SESTD1: variants seen among roughly 807,000 people sequenced by gnomAD.
The protein encoded by SESTD1 is SEC14 domain and spectrin repeat-containing protein 1.
A neutral mutation model predicts 101.7 loss-of-function variants in SESTD1; 43 were observed. That is an observed-to-expected ratio of 0.42 (90% CI 0.33 to 0.55). The LOEUF (loss-of-function observed/expected upper bound fraction) is 0.55. Among genes scored for constraint, SESTD1 ranks in the 20% least tolerant of loss-of-function variants. The pLI is 0.07. For synonymous variants in SESTD1, 283 were observed against 286.8 expected, an observed-to-expected ratio of 0.99 and a Z score of 0.13; for missense variants, 647 against 815.1, an observed-to-expected ratio of 0.79 and a Z score of 2.51.
At chr2:179,173,794 A>T (rs1040118713) in intron 4 of SESTD1, among the ~76,000 whole-genome samples, 1 of 151,326 alleles carries the variant, frequency 6.6e-6, no homozygotes, top group African/African-American at 2.4e-5. Context: ...GTATAAAAGC[A>T]GCCACACACC....
intron 1 of SESTD1, among the ~76,000 whole-genome samples, chr2:179,223,384 T>TA (rs2046840401): frequency 6.6e-6 from 1 of 152,060 alleles, no homozygotes; most frequent in Admixed American, 6.6e-5. Flanking sequence ...TGAAATCTAC[T>TA]AAAAATCAAT....
At chr2:179,134,393 T>TTGCC (rs2045090547) in intron 9 of SESTD1, among the ~76,000 whole-genome samples, 1 of 152,312 alleles carries the variant, frequency 6.6e-6, no homozygotes. Context: ...GCCAATCCTG[T>TTGCC]TGCCTGCCTG....
intron 16 of SESTD1, among the ~76,000 whole-genome samples, chr2:179,114,056 C>T (rs1322241693): frequency 6.6e-6 from 1 of 151,102 alleles, no homozygotes; most frequent in Non-Finnish European, 1.5e-5. Flanking sequence ...AATCTCACTG[C>T]ACAGAATACT....
intron 10 of SESTD1, among the ~76,000 whole-genome samples, chr2:179,127,335 A>G (rs2044898022): frequency 6.6e-6 from 1 of 152,152 alleles, no homozygotes; most frequent in African/African-American, 2.4e-5. Context: ...TAAAATCTAT[A>G]CCTATATTGC....
chr2:179,232,950 T>C (rs1160900130), intron 1 of SESTD1, among the ~76,000 whole-genome samples: 3 of 152,158 alleles, frequency 2.0e-5, no homozygotes, highest in Non-Finnish European at 4.4e-5. Context: ...GGAGGTATGA[T>C]CAACACTTTT....
At chr2:179,171,499 C>A (rs2045929843) in intron 5 of SESTD1, among the ~76,000 whole-genome samples, 1 of 152,092 alleles carries the variant, frequency 6.6e-6, no homozygotes. Context: ...CTTCAAAGTT[C>A]CCACACTTTA....
chr2:179,218,000 G>T (rs560540023), intron 1 of SESTD1, among the ~76,000 whole-genome samples: 6 of 152,252 alleles, frequency 3.9e-5, no homozygotes, highest in African/African-American at 1.4e-4. Flanking sequence ...GGCTGGGGGA[G>T]GGATGGCATT....
chr2:179,138,962 G>A (rs2045218389), intron 9 of SESTD1, among the ~76,000 whole-genome samples: 1 of 146,760 alleles, frequency 6.8e-6, no homozygotes, highest in Non-Finnish European at 1.5e-5. Context: ...CATCGCCCTT[G>A]TTATTGATCT....
In SESTD1 at chr2:179,230,062, C is replaced by G. The variant is rs561912542; in HGVS notation, c.-26+34437G>C. Reference sequence around the variant, plus strand: ...GCTAATGAAAAGCACCCCCAAAAAACCAACAACAAAGTAGAAGATTTTAAT... The same window carrying G: ...GCTAATGAAAAGCACCCCCAAAAAAGCAACAACAAAGTAGAAGATTTTAAT... On this transcript the variant is annotated intron_variant, in intron 1 of 17. Transcript: ENST00000428443. Among the ~76,000 whole-genome samples the G allele has an allele frequency of 3.0e-3, 435 of 145,514 alleles. 5 individuals carry two copies. Among genetic ancestry groups the G allele is most frequent in the African/African-American group, 0.01 (418 of 40,200 alleles).
chr2:179,149,238 CT>C, intron 7 of SESTD1, 58 bp downstream of exon 7: 1 of 1,228,402 alleles, frequency 8.1e-7, no homozygotes, highest in Non-Finnish European at 1.2e-6. Context: ...ATAGAGATAT[CT>C]TTTATCAGAA....
At chr2:179,198,087 T>A (rs2046433888) in intron 1 of SESTD1, among the ~76,000 whole-genome samples, 1 of 152,034 alleles carries the variant, frequency 6.6e-6, no homozygotes, top group Admixed American at 6.6e-5. Flanking sequence ...GAGACACACA[T>A]AGGCTCAAAA....
intron 15 of SESTD1, among the ~76,000 whole-genome samples, chr2:179,116,293 C>T (rs1205478936): frequency 6.8e-6 from 1 of 146,156 alleles, no homozygotes; most frequent in Non-Finnish European, 1.5e-5. Flanking sequence ...AAAAAAGACA[C>T]TTTTCACCAC....
chr2:179,130,701 T>C (rs1369642466), intron 10 of SESTD1, among the ~76,000 whole-genome samples: 8 of 152,110 alleles, frequency 5.3e-5, no homozygotes, highest in Admixed American at 5.2e-4. Context: ...AAAGAACTTT[T>C]GGAATACTTT....
intron 17 of SESTD1, among the ~76,000 whole-genome samples, chr2:179,110,977 G>A (rs1038486144): frequency 6.6e-6 from 1 of 152,168 alleles, no homozygotes; most frequent in Non-Finnish European, 1.5e-5. Flanking sequence ...AATGACACAT[G>A]GACTATCTGT....
chr2:179,107,373 CTTAT>C lies in SESTD1; in HGVS notation c.*2522_*2525del, dbSNP rs1245553486. On this transcript the variant is annotated 3_prime_UTR_variant, in exon 18 of 18. Coordinates refer to ENST00000428443, the MANE Select transcript of SESTD1 (RefSeq NM_178123.5). ...TACAAGTAACATTTATGAATCCTGC[CTTAT>C]TTTACTTTTTGTAGGCAAGATAGCT... The C allele has an allele frequency of 6.6e-6, 1 of 152,090 alleles. No individual in the cohort carries two copies. The highest frequency in any genetic ancestry group is 1.5e-5 in the Non-Finnish European group (1 of 67,988). 9.4% of individuals were successfully genotyped at this position (152,090 alleles called of 1,614,324 possible).
chr2:179,164,206 G>C (rs1451276325), intron 5 of SESTD1, among the ~76,000 whole-genome samples: 1 of 152,118 alleles, frequency 6.6e-6, no homozygotes, highest in Non-Finnish European at 1.5e-5. Context: ...ATAAAAACTG[G>C]AAAGAATCAG....
Position 179,116,324 on chromosome 2 carries a change from T to C in SESTD1, c.1647+344A>G, listed in dbSNP as rs147469532. On this transcript the variant is annotated intron_variant, in intron 15 of 17. Transcript: ENST00000428443. Reference sequence around the variant, plus strand: ...ACCACAAAAAAGTTCTGTATTATTATGCTAACACTAGTGTGATGCAGAAAG... The same window carrying C: ...ACCACAAAAAAGTTCTGTATTATTACGCTAACACTAGTGTGATGCAGAAAG... Among the ~76,000 whole-genome samples, 1,416 of 152,174 alleles carry C rather than the reference T, an allele frequency of 9.3e-3. 14 individuals are homozygous for C. The highest frequency in any genetic ancestry group is 0.011 in the Non-Finnish European group (747 of 68,002).
chr2:179,160,925 C>A (rs569314238), intron 5 of SESTD1, among the ~76,000 whole-genome samples: 1 of 151,842 alleles, frequency 6.6e-6, no homozygotes, highest in Admixed American at 6.6e-5. Flanking sequence ...CATAATAACA[C>A]ACCTTAAACA....
At chr2:179,256,673 A>T (rs1052547706) in intron 1 of SESTD1, among the ~76,000 whole-genome samples, 1 of 152,020 alleles carries the variant, frequency 6.6e-6, no homozygotes, top group African/African-American at 2.4e-5. Context: ...TGAGCCGGGC[A>T]TGGTGGCAGG....
Sources: allele counts gnomAD v4.1 joint callset (sites outside exome capture counted in the v4.1 genomes callset), GRCh38; gene constraint gnomAD v4.1.1; transcripts MANE v1.5; gene names NCBI Gene and HGNC (gene_info 2026-07-23, HGNC 2026-07-21).